The following TXNL1 variants were observed in gnomAD, a reference collection of about 807,000 sequenced individuals.
TXNL1 encodes thioredoxin-like protein 1.
In TXNL1, 14 loss-of-function variants were observed where a neutral mutation model predicts 35.5. The ratio of observed to expected loss-of-function variants is 0.39; its 90% CI spans 0.26 to 0.62. The LOEUF is 0.62. Among genes scored for constraint, TXNL1 ranks in the 20% least tolerant of loss-of-function variants. The pLI is 0.47. For missense variants in TXNL1, 263 were observed against 349.7 expected, an observed-to-expected ratio of 0.75 and a Z score of 1.98; for synonymous variants, 110 against 115.5, an observed-to-expected ratio of 0.95 and a Z score of 0.31.
rs2023799461 is a variant in TXNL1, at chr18:56,600,597, C to G, written c.*2430G>C. On this transcript the variant is annotated 3_prime_UTR_variant, in exon 8 of 8. Coordinates refer to ENST00000217515, the MANE Select transcript of TXNL1 (RefSeq NM_004786.3). ...CCAACAGTATATTGAGACTGGGGAACAACGTGGGGCAGGTTTCAACTCTAA... is the reference window on the plus strand; with the variant it reads ...CCAACAGTATATTGAGACTGGGGAAGAACGTGGGGCAGGTTTCAACTCTAA... 6.7e-6 allele frequency: 1 copy of G among 149,204 alleles called. No individual in the cohort carries two copies. The highest frequency in any genetic ancestry group is 1.5e-5 in the Non-Finnish European group (1 of 67,658). 9.2% of individuals were successfully genotyped at this position (149,204 alleles called of 1,614,324 possible). A position where few individuals can be genotyped will look rare whatever the true frequency, so the allele number is the denominator to read the frequency against.
At chr18:56,606,176 A>G (rs1376561403) in intron 7 of TXNL1, among the ~76,000 whole-genome samples, 1 of 152,168 alleles carries the variant, frequency 6.6e-6, no homozygotes, top group East Asian at 1.9e-4. Flanking sequence ...GGAGATCGAG[A>G]CCATCCTGGC....
intron 1 of TXNL1, among the ~76,000 whole-genome samples, chr18:56,629,796 A>T (rs1344160583): frequency 6.6e-6 from 1 of 152,110 alleles, no homozygotes. Context: ...CATGAAAACC[A>T]CCCTCCTGCA....
At chr18:56,614,701 C>A (rs1042063719) in intron 5 of TXNL1, 105 bp from the exon 6 acceptor site, 7 of 859,896 alleles carry the variant, frequency 8.1e-6, no homozygotes, top group East Asian at 2.8e-5. Flanking sequence ...AATCAATACA[C>A]ATATACTTCA....
intron 4 of TXNL1, among the ~76,000 whole-genome samples, chr18:56,617,550 C>T (rs1236187956): frequency 6.6e-6 from 1 of 152,214 alleles, no homozygotes; most frequent in Admixed American, 6.5e-5. Flanking sequence ...AAGGTGGTAA[C>T]ACCCAACTTA....
intron 7 of TXNL1, among the ~76,000 whole-genome samples, chr18:56,606,008 G>A (rs761962292): frequency 2.0e-5 from 3 of 152,054 alleles, no homozygotes; most frequent in South Asian, 2.1e-4. Flanking sequence ...TTTATATAGC[G>A]CCCTTCACTA....
At chr18:56,626,479 G>A (rs1309803760) in intron 1 of TXNL1, 22 bp from the exon 2 acceptor site, 1 of 1,572,412 alleles carries the variant, frequency 6.4e-7, no homozygotes, top group Admixed American at 1.8e-5. Flanking sequence ...GGAAAATTAA[G>A]TAAAATAACA....
chr18:56,624,555 A>AGG, intron 2 of TXNL1, 94 bp from the exon 3 acceptor site: 1 of 1,337,176 alleles, frequency 7.5e-7, no homozygotes, highest in Non-Finnish European at 1.0e-6. Flanking sequence ...TACCATAAGC[A>AGG]TGAACTAAAA....
chr18:56,626,646 A>T (rs1429659772), intron 1 of TXNL1, among the ~76,000 whole-genome samples, 189 bp from the exon 2 acceptor site: 1 of 151,812 alleles, frequency 6.6e-6, no homozygotes, highest in Non-Finnish European at 1.5e-5. Context: ...CCAGGCGCCC[A>T]CCACCACGCC....
Position 56,597,230 on chromosome 18 carries a change from G to T in TXNL1, c.*5797C>A, listed in dbSNP as rs2023756230. The T allele has an allele frequency of 6.6e-6, 1 of 152,160 alleles. No individual in the cohort carries two copies. The highest frequency in any genetic ancestry group is 1.5e-5 in the Non-Finnish European group (1 of 68,026). 9.4% of individuals were successfully genotyped at this position (152,160 alleles called of 1,614,324 possible). On this transcript the variant is annotated 3_prime_UTR_variant, in exon 8 of 8. Coordinates refer to ENST00000217515, the MANE Select transcript of TXNL1 (RefSeq NM_004786.3). Reference sequence around the variant, plus strand: ...AAAGCACCTGATAAGATCCTTTAATGACAACTTCAAAGCAGTGTTTCATAT... The same window carrying T: ...AAAGCACCTGATAAGATCCTTTAATTACAACTTCAAAGCAGTGTTTCATAT...
chr18:56,627,689 C>A (rs894276107), intron 1 of TXNL1, among the ~76,000 whole-genome samples: 9 of 152,038 alleles, frequency 5.9e-5, no homozygotes, highest in African/African-American at 2.2e-4. Flanking sequence ...TATACTCATA[C>A]AGGAAAAGAA....
chr18:56,607,492 C>T (rs1406250082), intron 7 of TXNL1, among the ~76,000 whole-genome samples: 2 of 151,944 alleles, frequency 1.3e-5, no homozygotes, highest in Non-Finnish European at 2.9e-5. Flanking sequence ...CTAATTTATA[C>T]ATTAAACATT....
intron 1 of TXNL1, among the ~76,000 whole-genome samples, chr18:56,634,343 G>C (rs1480583657): frequency 6.6e-6 from 1 of 152,168 alleles, no homozygotes; most frequent in East Asian, 1.9e-4. Flanking sequence ...TTCAAACGAT[G>C]CATTTATTAA....
At chr18:56,610,836 G>A (rs1371217589) in intron 7 of TXNL1, 157 bp downstream of exon 7, 1 of 484,442 alleles carries the variant, frequency 2.1e-6, no homozygotes, top group African/African-American at 2.1e-5. Context: ...AATATAGTTA[G>A]GGGAACTTTC....
intron 1 of TXNL1, among the ~76,000 whole-genome samples, chr18:56,628,596 T>A (rs1318314253): frequency 6.6e-6 from 1 of 152,210 alleles, no homozygotes; most frequent in East Asian, 1.9e-4. Context: ...TATGACTACA[T>A]ACAGTTCAAA....
At chr18:56,626,568 CTGTT>C in intron 1 of TXNL1, 111 bp from the exon 2 acceptor site, 1 of 997,330 alleles carries the variant, frequency 1.0e-6, no homozygotes, top group Non-Finnish European at 1.5e-6. Context: ...TTTTGACTCT[CTGTT>C]TTTTTTGTTT....
chr18:56,637,683 ATATAT>A (rs1446334013), intron 1 of TXNL1, among the ~76,000 whole-genome samples: 1 of 152,204 alleles, frequency 6.6e-6, no homozygotes, highest in Admixed American at 6.5e-5. Flanking sequence ...TCCACCTGAA[ATATAT>A]TATATATGTA....
chr18:56,608,948 A>G (rs1165668878), intron 7 of TXNL1: 2 of 142,822 alleles, frequency 1.4e-5, no homozygotes, highest in African/African-American at 5.3e-5. Flanking sequence ...CCCTGTCTCA[A>G]AAAAAAAAAA....
intron 1 of TXNL1, among the ~76,000 whole-genome samples, chr18:56,632,326 A>G (rs1475859031): frequency 1.3e-5 from 2 of 152,130 alleles, no homozygotes; most frequent in African/African-American, 4.8e-5. Context: ...TAAAACTTTA[A>G]GCAATTTATA....
intron 1 of TXNL1, 148 bp from the exon 2 acceptor site, chr18:56,626,605 A>G (rs945945226): frequency 4.0e-6 from 3 of 742,974 alleles, no homozygotes; most frequent in Non-Finnish European, 6.4e-6. Context: ...TGCTTTAGAC[A>G]GAGTCTCACT....
Sources: allele counts gnomAD v4.1 joint callset (sites outside exome capture counted in the v4.1 genomes callset), GRCh38; gene constraint gnomAD v4.1.1; transcripts MANE v1.5; gene names NCBI Gene and HGNC (gene_info 2026-07-23, HGNC 2026-07-21).